SAPCD2: variants seen among roughly 807,000 people sequenced by gnomAD.
The protein encoded by SAPCD2 is suppressor APC domain-containing protein 2.
A neutral mutation model predicts 37.8 loss-of-function variants in SAPCD2; 34 were observed. That is an observed-to-expected ratio of 0.90 (90% CI 0.68 to 1.20). The LOEUF is 1.20. Among genes scored for constraint, SAPCD2 ranks in the 50% most tolerant of loss-of-function variants. The probability of loss-of-function intolerance (pLI) is 0.00; values close to 1 mark genes in which losing one functional copy is unlikely to be tolerated. For missense variants in SAPCD2, 572 were observed against 584.7 expected, an observed-to-expected ratio of 0.98 and a Z score of 0.22; for synonymous variants, 275 against 270.3, an observed-to-expected ratio of 1.02 and a Z score of -0.17.
At position 137,062,692 on chromosome 9, in the gene SAPCD2, C is replaced by G. The variant is rs1832478150; in HGVS notation, c.*1967G>C. 1.3e-5 allele frequency: 2 copies of G among 152,256 alleles called. No homozygotes were observed. Among genetic ancestry groups the G allele is most frequent in the Admixed American group, 1.3e-4 (2 of 15,284 alleles). 9.4% of individuals were successfully genotyped at this position (152,256 alleles called of 1,614,324 possible). On this transcript the variant is annotated 3_prime_UTR_variant, in exon 6 of 6. Transcript: ENST00000409687. ...TCCTAGGGCAGGCTCCAGGCAGGGT[C>G]TGCATGTGCCTCTGCCAGCCACCTA...
Position 137,066,359 on chromosome 9 carries a change from C to G in SAPCD2, c.587G>C (p.Arg196Thr). The G allele has an allele frequency of 6.2e-7, 1 of 1,602,248 alleles. No homozygotes were observed. The highest frequency in any genetic ancestry group is 8.5e-7 in the Non-Finnish European group (1 of 1,174,848). The change falls in exon 2 of 6, where the codon AGG (arginine) becomes ACG (threonine). Residue 196 changes from arginine (R) to threonine (T), a missense_variant. Transcript: ENST00000409687. ...SSADAGAVAC[R>T]ALEADSGDAR... ...ATCCCCTGAGTCCGCCTCCAGGGCCCTGCACGCCACTGCACCTGTTATGGA... is the reference window on the plus strand; with the variant it reads ...ATCCCCTGAGTCCGCCTCCAGGGCCGTGCACGCCACTGCACCTGTTATGGA...
intron 1 of SAPCD2, among the ~76,000 whole-genome samples, 187 bp downstream of exon 1, chr9:137,069,703 C>G (rs1188947971): frequency 1.3e-5 from 2 of 152,240 alleles, no homozygotes; most frequent in Non-Finnish European, 2.9e-5. Context: ...CCTGGGCTCA[C>G]CGCGACAAGC....
rs1280714144 is a variant in SAPCD2, at chr9:137,065,106, TC to T, written c.910del (p.Glu304SerfsTer24). ...KVQEVARCLG[E>X]LLAAACASRA... is the part of the protein sequence containing the mutation. ...GCTGGCACAGGCTGCAGCCAGCAGC[TC>T]CCCCAGGCACCGGGCCACCTCTTGT... On this transcript the variant is annotated frameshift_variant, in exon 4 of 6. Transcript: ENST00000409687. LOFTEE classifies it high-confidence loss of function. The T allele has an allele frequency of 3.9e-6, 6 of 1,540,996 alleles. No homozygotes were observed. Among genetic ancestry groups the T allele is most frequent in the Admixed American group, 4.0e-5 (2 of 50,498 alleles).
chr9:137,069,131 C>T (rs1832589732), intron 1 of SAPCD2, among the ~76,000 whole-genome samples: 1 of 152,228 alleles, frequency 6.6e-6, no homozygotes, highest in African/African-American at 2.4e-5. Context: ...GGGAGCTTGG[C>T]CCCCCAACCC....
chr9:137,068,949 G>C (rs1338184716), intron 1 of SAPCD2, among the ~76,000 whole-genome samples: 4 of 152,250 alleles, frequency 2.6e-5, no homozygotes, highest in African/African-American at 9.6e-5. Flanking sequence ...GGCCGCCGTG[G>C]CTCCAAACAC....
chr9:137,070,114 G>A lies in SAPCD2; in HGVS notation c.347C>T (p.Pro116Leu), dbSNP rs1588566422. The A allele has an allele frequency of 8.4e-7, 1 of 1,190,590 alleles. No homozygotes were observed. The highest frequency in any genetic ancestry group is 1.0e-6 in the Non-Finnish European group (1 of 962,414). The allele number at this position is 1,190,590 out of a possible 1,614,324, so 73.8% of individuals were successfully genotyped here. Residue 116 changes from proline (P) to leucine (L), a missense_variant, in exon 1 of 6, where the codon CCG (proline) becomes CTG (leucine). Coordinates refer to ENST00000409687, the MANE Select transcript of SAPCD2 (RefSeq NM_178448.4). ...TRAPARPGDQ[P>L]PPPPQRLVFA... ...CACCAGGCGCTGCGGCGGCGGCGGC[G>A]GCTGATCCCCGGGCCGGGCCGGGGC...
chr9:137,064,411 C>A lies in SAPCD2; in HGVS notation c.*248G>T, dbSNP rs1832511024. 1.8e-6 allele frequency: 1 copy of A among 570,216 alleles called. No individual in the cohort carries two copies. The highest frequency in any genetic ancestry group is 3.0e-5 in the East Asian group (1 of 33,652). 35.3% of individuals were successfully genotyped at this position (570,216 alleles called of 1,614,324 possible). A position where few individuals can be genotyped will look rare whatever the true frequency, so the allele number is the denominator to read the frequency against. On this transcript the variant is annotated 3_prime_UTR_variant, in exon 6 of 6. Transcript: ENST00000409687. ...GCGGCAGTAGTAGCTGCGGACTATGCGGACTCAAGAGAGCCCCAGCCCATG... is the reference window on the plus strand; with the variant it reads ...GCGGCAGTAGTAGCTGCGGACTATGAGGACTCAAGAGAGCCCCAGCCCATG...
chr9:137,070,017 C>T lies in SAPCD2; in HGVS notation c.444G>A (p.Leu148=). ...TGCGGGCGGCGGCGCTGGGACCGGC[C>T]AGAGGGGCGCGCACGCCCAGGGGCA... The part of the protein sequence containing the change: ...KPLPLGVRAP[L]AGPSAAARSP... The change falls in exon 1 of 6, where the codon CTG becomes CTA. Residue 148 remains leucine, a synonymous_variant. Transcript: ENST00000409687. The T allele has an allele frequency of 8.3e-7, 1 of 1,207,188 alleles. No individual in the cohort carries two copies. The highest frequency in any genetic ancestry group is 1.0e-6 in the Non-Finnish European group (1 of 972,188). The allele number at this position is 1,207,188 out of a possible 1,614,324, so 74.8% of individuals were successfully genotyped here. A position where few individuals can be genotyped will look rare whatever the true frequency, so the allele number is the denominator to read the frequency against.
Position 137,070,345 on chromosome 9 carries a change from A to T in SAPCD2, c.116T>A (p.Leu39Gln). The T allele has an allele frequency of 6.8e-7, 1 of 1,471,576 alleles. No homozygotes were observed. The highest frequency in any genetic ancestry group is 1.3e-5 in the South Asian group (1 of 78,336). 91.2% of individuals were successfully genotyped at this position (1,471,576 alleles called of 1,614,324 possible). The change falls in exon 1 of 6, where the codon CTG becomes CAG. Residue 39 changes from leucine (L) to glutamine (Q), a missense_variant. Coordinates refer to ENST00000409687, the MANE Select transcript of SAPCD2 (RefSeq NM_178448.4). ...CACGCAGCCGCGCCGCCGGTCGTCC[A>T]GGATGTCGAACAGGGTGCGCAGGCT... ...LQSLRTLFDILDDRRRGCVHL... is the reference protein window; with the variant it reads ...LQSLRTLFDIQDDRRRGCVHL...
rs578152118 is a variant in SAPCD2 at position 137,066,961 on chromosome 9, A to C, written c.572-587T>G. 7.9e-5 allele frequency among the ~76,000 whole-genome samples: 12 copies of C among 152,230 alleles called. No individual in the cohort carries two copies. The East Asian group carries it at 2.3e-3, about 30-fold the overall frequency. ...CGCTTGAGCTCAGGAGTTTGAGACCAGCCTGGGCAACATGGCAAAACCCCA... is the reference window on the plus strand; with the variant it reads ...CGCTTGAGCTCAGGAGTTTGAGACCCGCCTGGGCAACATGGCAAAACCCCA... On this transcript the variant is annotated intron_variant, in intron 1 of 5. Transcript: ENST00000409687.
Position 137,070,402 on chromosome 9 carries a change from C to G in SAPCD2, c.59G>C (p.Ser20Thr), listed in dbSNP as rs1832609306. 8.9e-6 allele frequency: 12 copies of G among 1,348,860 alleles called. No homozygotes were observed. Among genetic ancestry groups the G allele is most frequent in the East Asian group, 3.2e-5 (1 of 31,446 alleles). The allele number at this position is 1,348,860 out of a possible 1,614,324, so 83.6% of individuals were successfully genotyped here. Residue 20 changes from serine to threonine, a missense_variant, in exon 1 of 6, where the codon AGC becomes ACC. Coordinates refer to ENST00000409687, the MANE Select transcript of SAPCD2 (RefSeq NM_178448.4). The stretch of plus-strand genomic sequence containing the variant: ...GAAGGCGCGCGGCAGCCCCTCCGTG[C>G]TGGGCGCGGGTGCGGGGGGAGGCAC... ...GRVPPPAPAP[S>T]TEGLPRAFLQ...
In SAPCD2 at chr9:137,063,437, G is replaced by T. The variant is rs1588562221; in HGVS notation, c.*1222C>A. The stretch of plus-strand genomic sequence containing the variant: ...TGTACCAAAGTGCCCTGGACACGAG[G>T]GGGCCCTGCGCCCCCCACGCACTGA... On this transcript the variant is annotated 3_prime_UTR_variant, in exon 6 of 6. Transcript: ENST00000409687. 1 of 152,214 alleles carries T rather than the reference G, an allele frequency of 6.6e-6. No individual in the cohort carries two copies. Among genetic ancestry groups the T allele is most frequent in the East Asian group, 1.9e-4 (1 of 5,194 alleles). The allele number at this position is 152,214 out of a possible 1,614,324, so 9.4% of individuals were successfully genotyped here. A position where few individuals can be genotyped will look rare whatever the true frequency, so the allele number is the denominator to read the frequency against.
chr9:137,070,260 C>G lies in SAPCD2; in HGVS notation c.201G>C (p.Gly67=). 3 of 1,446,336 alleles carry G rather than the reference C, an allele frequency of 2.1e-6. No homozygotes were observed. The highest frequency in any genetic ancestry group is 2.7e-6 in the Non-Finnish European group (3 of 1,100,108). 89.6% of individuals were successfully genotyped at this position (1,446,336 alleles called of 1,614,324 possible). A position where few individuals can be genotyped will look rare whatever the true frequency, so the allele number is the denominator to read the frequency against. ...CCACCTGGCGCAAGCCCTCCAGCAC[C>G]CCGCGGGGCAGCTCCCGCGCGTCGG... ...QGTDARELPR[G]VLEGLRQVAP... Residue 67 remains glycine (G), a synonymous_variant, in exon 1 of 6, where the codon GGG becomes GGC. Transcript: ENST00000409687.
In SAPCD2 at chr9:137,062,186, TTC is replaced by T. The variant is rs1373859376; in HGVS notation, c.*2471_*2472del. 2 of 152,236 alleles carry T rather than the reference TTC, an allele frequency of 1.3e-5. No individual in the cohort carries two copies. Among genetic ancestry groups the T allele is most frequent in the African/African-American group, 2.4e-5 (1 of 41,458 alleles). The allele number at this position is 152,236 out of a possible 1,614,324, so 9.4% of individuals were successfully genotyped here. ...ATATATAAAACACTGTTACTTTATATTCTCTCTGATAATTCTAGTATCTGGGT... is the reference window on the plus strand; with the variant it reads ...ATATATAAAACACTGTTACTTTATATTCTCTGATAATTCTAGTATCTGGGT... On this transcript the variant is annotated 3_prime_UTR_variant, in exon 6 of 6. Coordinates refer to ENST00000409687, the MANE Select transcript of SAPCD2 (RefSeq NM_178448.4).
At position 137,064,999 on chromosome 9, in the gene SAPCD2, G is replaced by C. The variant is rs1832523104; in HGVS notation, c.940-20C>G. 7 of 1,498,904 alleles carry C rather than the reference G, an allele frequency of 4.7e-6. No homozygotes were observed. In the African/African-American group the frequency reaches 5.5e-5, roughly 12 times the overall value. 92.9% of individuals were successfully genotyped at this position (1,498,904 alleles called of 1,614,324 possible). On this transcript the variant is annotated intron_variant, in intron 4 of 5. Transcript: ENST00000409687. ...CAGGGCCTGCGGGAGGGCAGGATTA[G>C]GCAGGCCTGGACGAGGGCGGGGAAG...
At chr9:137,069,778 C>T (rs1490315068) in intron 1 of SAPCD2, 112 bp downstream of exon 1, 15 of 777,332 alleles carry the variant, frequency 1.9e-5, no homozygotes, top group Middle Eastern at 9.2e-4. Flanking sequence ...CGAAGAGCCG[C>T]TCCCCGGTCC....
At chr9:137,069,180 G>A (rs1832590240) in intron 1 of SAPCD2, among the ~76,000 whole-genome samples, 1 of 152,272 alleles carries the variant, frequency 6.6e-6, no homozygotes, top group Admixed American at 6.5e-5. Context: ...GCAGGCACTG[G>A]GTTGGGGGAG....
rs1206784067 is a variant in SAPCD2 at position 137,066,209 on chromosome 9, C to T, written c.684+53G>A. On this transcript the variant is annotated intron_variant, in intron 2 of 5. Transcript: ENST00000409687. The stretch of plus-strand genomic sequence containing the variant: ...AAGGCCCCCCTGCTCCCATCCCGGC[C>T]TCCAGCCTCCAGGCAAGATGGAGAG... The T allele has an allele frequency of 6.9e-6, 10 of 1,443,346 alleles. No individual in the cohort carries two copies. The East Asian group carries it at 9.7e-5, about 14-fold the overall frequency. The allele number at this position is 1,443,346 out of a possible 1,614,324, so 89.4% of individuals were successfully genotyped here.
chr9:137,070,509 G>T lies in SAPCD2; in HGVS notation c.-49C>A. 1 of 1,150,544 alleles carries T rather than the reference G, an allele frequency of 8.7e-7. No homozygotes were observed. Among genetic ancestry groups the T allele is most frequent in the Non-Finnish European group, 1.1e-6 (1 of 922,442 alleles). 71.3% of individuals were successfully genotyped at this position (1,150,544 alleles called of 1,614,324 possible). ...GTCCACCCGCGTGCGTCCCAGCGCG[G>T]CCCCACGGAGGGGCCGGCCCGGCGA... is the stretch of plus-strand genomic sequence containing the variant. On this transcript the variant is annotated 5_prime_UTR_variant, in exon 1 of 6. Transcript: ENST00000409687.
Sources: allele counts gnomAD v4.1 joint callset (sites outside exome capture counted in the v4.1 genomes callset), GRCh38; gene constraint gnomAD v4.1.1; transcripts MANE v1.5; gene names NCBI Gene and HGNC (gene_info 2026-07-23, HGNC 2026-07-21).